AMER1: variants seen among roughly 807,000 people sequenced by gnomAD.
AMER1 encodes the protein APC membrane recruitment protein 1.
AMER1 carries 16 observed loss-of-function variants against 53.0 expected under a neutral mutation model. That is an observed-to-expected ratio of 0.30 (90% CI 0.20 to 0.46). The LOEUF (loss-of-function observed/expected upper bound fraction) is 0.46, where lower values mean the gene tolerates loss of function less well. Among genes scored for constraint, AMER1 ranks in the 20% least tolerant of loss-of-function variants. AMER1 has a pLI of 1.00. For synonymous variants in AMER1, 354 were observed against 331.9 expected (o/e 1.07, Z -0.73); for missense variants, 947 against 884.9 (o/e 1.07, Z -0.89).
In AMER1 at chrX:64,189,401, AG is replaced by A; in HGVS notation, c.*477del. 1 of 777,355 alleles carries A rather than the reference AG, an allele frequency of 1.3e-6. No individual in the cohort carries two copies. The highest frequency in any genetic ancestry group is 1.5e-6 in the Non-Finnish European group (1 of 654,403). 64.1% of individuals were successfully genotyped at this position (777,355 alleles called of 1,213,427 possible). A position where few individuals can be genotyped will look rare whatever the true frequency, so the allele number is the denominator to read the frequency against. On this transcript the variant is annotated 3_prime_UTR_variant, in exon 2 of 2. Coordinates refer to ENST00000374869, the MANE Select transcript of AMER1 (RefSeq NM_152424.4). The stretch of plus-strand genomic sequence containing the variant: ...TCATCATTCATTGGGGGAAAGGGGC[AG>A]GGGGCACTAAAGGTTTAGCCTGTGT...
chrX:64,188,254 T>C lies in AMER1; in HGVS notation c.*1625A>G. 1.2e-6 allele frequency: 1 copy of C among 802,875 alleles called. No homozygotes were observed. The highest frequency in any genetic ancestry group is 1.5e-6 in the Non-Finnish European group (1 of 669,049). The allele number at this position is 802,875 out of a possible 1,213,427, so 66.2% of individuals were successfully genotyped here. A position where few individuals can be genotyped will look rare whatever the true frequency, so the allele number is the denominator to read the frequency against. The stretch of plus-strand genomic sequence containing the variant: ...AGGGCGAGGGTGCAATAATCATAAT[T>C]TGAGTGAACACAGCCAAGCAAAAAA... On this transcript the variant is annotated 3_prime_UTR_variant, in exon 2 of 2. Coordinates refer to ENST00000374869, the MANE Select transcript of AMER1 (RefSeq NM_152424.4).
Position 64,186,373 on chromosome X carries a change from A to G in AMER1, c.*3506T>C. The G allele has an allele frequency of 4.5e-6, 4 of 897,441 alleles. No individual in the cohort carries two copies. The South Asian group carries it at 2.3e-4, about 52-fold the overall frequency. 74.0% of individuals were successfully genotyped at this position (897,441 alleles called of 1,213,427 possible). On this transcript the variant is annotated 3_prime_UTR_variant, in exon 2 of 2. Coordinates refer to ENST00000374869, the MANE Select transcript of AMER1 (RefSeq NM_152424.4). ...AATCAGAAAAGAACAATTGATAAAC[A>G]TTGTTTTCCATGAATATAAAATGCA...
rs771247676 is a variant in AMER1, at chrX:64,191,613, T to C, written c.1674A>G (p.Glu558=). ...GTTTCTGGATGGTCACTAGCCGTTC[T>C]TCCTCTGTCTCCATTGCCCCAGGTG... ...SRPPGAMETE[E]ERLVTIQKQL... The change falls in exon 2 of 2, where the codon GAA becomes GAG. Residue 558 remains glutamate, a synonymous_variant. Coordinates refer to ENST00000374869, the MANE Select transcript of AMER1 (RefSeq NM_152424.4). 1.6e-6 allele frequency: 2 copies of C among 1,212,557 alleles called. No individual in the cohort carries two copies. The highest frequency in any genetic ancestry group is 2.2e-6 in the Non-Finnish European group (2 of 895,690).
chrX:64,192,124 A>G lies in AMER1; in HGVS notation c.1163T>C (p.Val388Ala). ...DDEEEEEEEE[V>A]ELEEEEEEVK... ...CTCCTCTTCTTCCTCCTCTAATTCC[A>G]CCTCTTCTTCCTCTTCTTCCTCCTC... Residue 388 changes from valine (V) to alanine (A), a missense_variant, in exon 2 of 2, where the codon GTG becomes GCG. Physicochemically the swap from Val to Ala is moderately conservative, Grantham distance 64 (BLOSUM62 0). Transcript: ENST00000374869. 1 of 1,206,361 alleles carries G rather than the reference A, an allele frequency of 8.3e-7. No individual in the cohort carries two copies. The highest frequency in any genetic ancestry group is 1.1e-6 in the Non-Finnish European group (1 of 892,855).
Position 64,192,134 on chromosome X carries a change from C to G in AMER1, c.1153G>C (p.Glu385Gln), listed in dbSNP as rs368719613. ...TCCTCCTCTAATTCCACCTCTTCTT[C>G]CTCTTCTTCCTCCTCGTCATCATCA... The part of the protein sequence containing the change: ...PDDDDEEEEE[E>Q]EEVELEEEEE... The change falls in exon 2 of 2, where the codon GAA becomes CAA. Residue 385 changes from glutamate to glutamine, a missense_variant. Physicochemically the swap from Glu to Gln is conservative, Grantham distance 29 (BLOSUM62 2). Coordinates refer to ENST00000374869, the MANE Select transcript of AMER1 (RefSeq NM_152424.4). 1.2e-4 allele frequency: 143 copies of G among 1,208,987 alleles called. No individual in the cohort carries two copies. Among genetic ancestry groups the G allele is most frequent in the Non-Finnish European group, 1.5e-4 (137 of 894,283 alleles).
At position 64,188,536 on chromosome X, in the gene AMER1, G is replaced by A. The variant is rs1368106023; in HGVS notation, c.*1343C>T. The A allele has an allele frequency of 1.2e-6, 1 of 802,671 alleles. No individual in the cohort carries two copies. The highest frequency in any genetic ancestry group is 7.7e-5 in the Admixed American group (1 of 12,944). The allele number at this position is 802,671 out of a possible 1,213,427, so 66.1% of individuals were successfully genotyped here. A position where few individuals can be genotyped will look rare whatever the true frequency, so the allele number is the denominator to read the frequency against. On this transcript the variant is annotated 3_prime_UTR_variant, in exon 2 of 2. Transcript: ENST00000374869. ...GATGATGCTAAGGACTCGGCTAATT[G>A]GAAGATAAAAGCTCTTTAAAGGGCC...
At position 64,188,915 on chromosome X, in the gene AMER1, A is replaced by C; in HGVS notation, c.*964T>G. On this transcript the variant is annotated 3_prime_UTR_variant, in exon 2 of 2. Transcript: ENST00000374869. ...TTATGAAAATTTCCTTTAGAGGAAA[A>C]AAGAACAAAAATTCAAAAGCATCTG... 1 of 807,845 alleles carries C rather than the reference A, an allele frequency of 1.2e-6. No homozygotes were observed. The highest frequency in any genetic ancestry group is 1.5e-6 in the Non-Finnish European group (1 of 672,257). The allele number at this position is 807,845 out of a possible 1,213,427, so 66.6% of individuals were successfully genotyped here.
rs368249962 is a variant in AMER1, at chrX:64,191,958, C to A, written c.1329G>T (p.Arg443Ser). Residue 443 changes from arginine to serine, a missense_variant, in exon 2 of 2, where the codon AGG becomes AGT. Physicochemically the swap from Arg to Ser is moderately radical, Grantham distance 110 (BLOSUM62 -1). Transcript: ENST00000374869. ...CCCCAGGGGCTAGGCCAGGATAAGA[C>A]CTAACTGGGTCAAGGAGCATGTAGC... ...HHGYMLLDPV[R>S]SYPGLAPGEL... The A allele has an allele frequency of 1.7e-6, 2 of 1,209,997 alleles. No individual in the cohort carries two copies. Among genetic ancestry groups the A allele is most frequent in the African/African-American group, 3.5e-5 (2 of 57,082 alleles).
At position 64,188,683 on chromosome X, in the gene AMER1, A is replaced by C; in HGVS notation, c.*1196T>G. On this transcript the variant is annotated 3_prime_UTR_variant, in exon 2 of 2. Coordinates refer to ENST00000374869, the MANE Select transcript of AMER1 (RefSeq NM_152424.4). ...GGAACATTTTGTGTTGGGAGGCTTG[A>C]GAAGGGAGTTTTCCCTTTTAAGAAA... 1 of 800,291 alleles carries C rather than the reference A, an allele frequency of 1.2e-6. No individual in the cohort carries two copies. Among genetic ancestry groups the C allele is most frequent in the Non-Finnish European group, 1.5e-6 (1 of 667,530 alleles). The allele number at this position is 800,291 out of a possible 1,213,427, so 66.0% of individuals were successfully genotyped here.
chrX:64,202,084 C>T (rs938637751), intron 1 of AMER1, among the ~76,000 whole-genome samples: 2 of 112,191 alleles, frequency 1.8e-5, no homozygotes, highest in Non-Finnish European at 1.9e-5. Context: ...GTGATCCACC[C>T]GGCTAGGCCT....
chrX:64,189,793 A>ACCACCCC lies in AMER1; in HGVS notation c.*85_*86insGGGGTGG. The ACCACCCC allele has an allele frequency of 1.4e-5, 4 of 292,072 alleles. No homozygotes were observed. Among genetic ancestry groups the ACCACCCC allele is most frequent in the Non-Finnish European group, 9.8e-6 (2 of 204,832 alleles). 24.1% of individuals were successfully genotyped at this position (292,072 alleles called of 1,213,427 possible). A position where few individuals can be genotyped will look rare whatever the true frequency, so the allele number is the denominator to read the frequency against. On this transcript the variant is annotated 3_prime_UTR_variant, in exon 2 of 2. Transcript: ENST00000374869. ...CAAAGGGTTTTCAAGTTAAACAACA[A>ACCACCCC]CCCCCACCCCCCCACCCTTCTGCCC...
At chrX:64,198,285 A>C (rs1312028198) in intron 1 of AMER1, among the ~76,000 whole-genome samples, 2 of 111,955 alleles carry the variant, frequency 1.8e-5, no homozygotes, top group Non-Finnish European at 3.8e-5. Flanking sequence ...AAGGAAATGC[A>C]AATCAACAGA....
rs1329830726 is a variant in AMER1, at chrX:64,190,323, T to C, written c.2964A>G (p.Pro988=). 3 of 1,211,596 alleles carry C rather than the reference T, an allele frequency of 2.5e-6. No homozygotes were observed. The highest frequency in any genetic ancestry group is 2.2e-5 in the Admixed American group (1 of 46,061). The change falls in exon 2 of 2, where the codon CCA becomes CCG. Residue 988 remains proline, a synonymous_variant. Transcript: ENST00000374869. ...NQLDRPSSQS[P]YRQATCCIPP... is the part of the protein sequence containing the mutation. ...GTATGCAACAGGTTGCCTGCCTATA[T>C]GGAGACTGGCTGGAAGGCCTGTCCA...
In AMER1 at chrX:64,187,089, T is replaced by A. The variant is rs752545444; in HGVS notation, c.*2790A>T. On this transcript the variant is annotated 3_prime_UTR_variant, in exon 2 of 2. Transcript: ENST00000374869. ...AACAGTTTTAGTGGTCTGGGGTGTATTTGCTGCCACCCAAGCCAGCACTAG... is the reference window on the plus strand; with the variant it reads ...AACAGTTTTAGTGGTCTGGGGTGTAATTGCTGCCACCCAAGCCAGCACTAG... 26 of 782,304 alleles carry A rather than the reference T, an allele frequency of 3.3e-5. No individual in the cohort carries two copies. The highest frequency in any genetic ancestry group is 3.8e-5 in the Non-Finnish European group (25 of 656,966). 64.5% of individuals were successfully genotyped at this position (782,304 alleles called of 1,213,427 possible). A position where few individuals can be genotyped will look rare whatever the true frequency, so the allele number is the denominator to read the frequency against.
chrX:64,202,790 A>C (rs1346439688), intron 1 of AMER1, among the ~76,000 whole-genome samples: 1 of 111,658 alleles, frequency 9.0e-6, no homozygotes, highest in Non-Finnish European at 1.9e-5. Flanking sequence ...CTCATTCAAA[A>C]ACCTTGTTTT....
Position 64,189,457 on chromosome X carries a change from T to G in AMER1, c.*422A>C. 4 of 742,871 alleles carry G rather than the reference T, an allele frequency of 5.4e-6. No homozygotes were observed. The highest frequency in any genetic ancestry group is 6.3e-6 in the Non-Finnish European group (4 of 633,180). 61.2% of individuals were successfully genotyped at this position (742,871 alleles called of 1,213,427 possible). A position where few individuals can be genotyped will look rare whatever the true frequency, so the allele number is the denominator to read the frequency against. ...GATGCATGCTATATATGTGTGTGCA[T>G]GTGTGTTTGTGTGTGTGTGTGTATG... On this transcript the variant is annotated 3_prime_UTR_variant, in exon 2 of 2. Coordinates refer to ENST00000374869, the MANE Select transcript of AMER1 (RefSeq NM_152424.4).
rs1348283266 is a variant in AMER1, at chrX:64,193,260, A to G, written c.27T>C (p.Ala9=). The change falls in exon 2 of 2, where the codon GCT becomes GCC. Residue 9 remains alanine, a synonymous_variant. Transcript: ENST00000374869. METQKDEA[A]QAKGAAASGS... is the part of the protein sequence containing the mutation. Reference sequence around the variant, plus strand: ...CAGAGGCTGCAGCTCCCTTGGCCTGAGCAGCTTCATCCTTTTGGGTCTCCA... The same window carrying G: ...CAGAGGCTGCAGCTCCCTTGGCCTGGGCAGCTTCATCCTTTTGGGTCTCCA... 1 of 1,209,756 alleles carries G rather than the reference A, an allele frequency of 8.3e-7. No homozygotes were observed. The highest frequency in any genetic ancestry group is 1.1e-6 in the Non-Finnish European group (1 of 895,265).
rs549157600 is a variant in AMER1, at chrX:64,190,750, T to C, written c.2537A>G (p.Tyr846Cys). The C allele has an allele frequency of 2.5e-5, 30 of 1,204,490 alleles. No homozygotes were observed. The East Asian group carries it at 6.5e-4, about 26-fold the overall frequency. The change falls in exon 2 of 2, where the codon TAT becomes TGT. Residue 846 changes from tyrosine (Y) to cysteine (C), a missense_variant. Transcript: ENST00000374869. ...ASLEAFELGY[Y>C]HKHAFNNYHS... ...GTAGTTGTTGAAGGCATGTTTGTGA[T>C]AGTAGCCCAGCTCAAAGGCTTCCAA...
Position 64,191,600 on chromosome X carries a change from T to C in AMER1, c.1687A>G (p.Thr563Ala), listed in dbSNP as rs2147087665. The change falls in exon 2 of 2, where the codon ACC becomes GCC. Residue 563 changes from threonine to alanine, a missense_variant. Physicochemically the swap from Thr to Ala is moderately conservative, Grantham distance 58. Coordinates refer to ENST00000374869, the MANE Select transcript of AMER1 (RefSeq NM_152424.4). ...AMETEEERLV[T>A]IQKQLLYWEL... The stretch of plus-strand genomic sequence containing the variant: ...CAATACAACAACTGTTTCTGGATGG[T>C]CACTAGCCGTTCTTCCTCTGTCTCC... 8.2e-7 allele frequency: 1 copy of C among 1,212,266 alleles called. No individual in the cohort carries two copies. Among genetic ancestry groups the C allele is most frequent in the Non-Finnish European group, 1.1e-6 (1 of 895,627 alleles).
Sources: allele counts gnomAD v4.1 joint callset (sites outside exome capture counted in the v4.1 genomes callset), GRCh38; gene constraint gnomAD v4.1.1; transcripts MANE v1.5; gene names NCBI Gene and HGNC (gene_info 2026-07-23, HGNC 2026-07-21).